The following PTGES3 variants were observed in gnomAD, a reference collection of about 807,000 sequenced individuals.
The protein encoded by PTGES3 is prostaglandin E synthase 3.
In PTGES3, 5 loss-of-function variants were observed where a neutral mutation model predicts 29.9. The ratio of observed to expected loss-of-function variants is 0.17; its 90% confidence interval spans 0.09 to 0.35. The LOEUF (loss-of-function observed/expected upper bound fraction) is 0.35. Ranked by LOEUF, PTGES3 falls within the 10% of genes least tolerant of loss-of-function variation. PTGES3 has a pLI of 1.00. For missense variants in PTGES3, 128 were observed against 190.0 expected (o/e 0.67, Z 1.92); for synonymous variants, 49 against 57.8 (o/e 0.85, Z 0.69).
intron 6 of PTGES3, chr12:56,665,871 C>G (rs1951765540): frequency 2.2e-6 from 2 of 911,710 alleles, no homozygotes; most frequent in Non-Finnish European, 2.6e-6. Flanking sequence ...CTCACGTACT[C>G]TGCCCACCTG....
At chr12:56,672,248 A>T (rs753591314) in intron 3 of PTGES3, among the ~76,000 whole-genome samples, 1 of 152,218 alleles carries the variant, frequency 6.6e-6, no homozygotes, top group Non-Finnish European at 1.5e-5. Flanking sequence ...TCATGCCTGT[A>T]ATCCCAGCAC....
chr12:56,683,366 G>T (rs1255805357), intron 1 of PTGES3, among the ~76,000 whole-genome samples: 1 of 150,706 alleles, frequency 6.6e-6, no homozygotes, highest in Non-Finnish European at 1.5e-5. Context: ...GCAGCTACCC[G>T]GGAGGCTGAG....
chr12:56,674,537 A>G (rs1240783415), intron 1 of PTGES3, among the ~76,000 whole-genome samples: 2 of 151,388 alleles, frequency 1.3e-5, no homozygotes, highest in Admixed American at 1.3e-4. Context: ...TAAAATTACA[A>G]AAAATTCAGG....
chr12:56,681,573 G>A (rs756120593), intron 1 of PTGES3, among the ~76,000 whole-genome samples: 161 of 148,104 alleles, frequency 1.1e-3, no homozygotes, highest in Non-Finnish European at 1.9e-3. Context: ...AATCAGCCGG[G>A]TGCAGTGGCT....
Position 56,688,086 on chromosome 12 carries a change from C to A in PTGES3, c.-87G>T. The A allele has an allele frequency of 6.9e-7, 1 of 1,440,770 alleles. No individual in the cohort carries two copies. Among genetic ancestry groups the A allele is most frequent in the Non-Finnish European group, 9.1e-7 (1 of 1,096,484 alleles). 89.2% of individuals were successfully genotyped at this position (1,440,770 alleles called of 1,614,324 possible). On this transcript the variant is annotated 5_prime_UTR_variant, in exon 1 of 8. Coordinates refer to ENST00000262033, the MANE Select transcript of PTGES3 (RefSeq NM_006601.7). ...TAGGGAGTCGACTTCTCTCCGGTGG[C>A]GACTCCGCTTTTTCTCTCCGGTCGC... is the stretch of plus-strand genomic sequence containing the variant.
In PTGES3 at chr12:56,663,484, C is replaced by T. The variant is rs1951680145; in HGVS notation, c.*995G>A. 6.6e-6 allele frequency: 1 copy of T among 152,324 alleles called. No individual in the cohort carries two copies. Among genetic ancestry groups the T allele is most frequent in the South Asian group, 2.1e-4 (1 of 4,832 alleles). 9.4% of individuals were successfully genotyped at this position (152,324 alleles called of 1,614,324 possible). A position where few individuals can be genotyped will look rare whatever the true frequency, so the allele number is the denominator to read the frequency against. On this transcript the variant is annotated 3_prime_UTR_variant, in exon 8 of 8. Coordinates refer to ENST00000262033, the MANE Select transcript of PTGES3 (RefSeq NM_006601.7). ...GGTTTCCTGTGACATTACAGCAAGC[C>T]TCTTTTTTCAAACAGAGGAATAATC...
intron 5 of PTGES3, among the ~76,000 whole-genome samples, chr12:56,669,389 T>G (rs1340956756): frequency 6.6e-6 from 1 of 152,122 alleles, no homozygotes; most frequent in African/African-American, 2.4e-5. Flanking sequence ...GTTCACGCGA[T>G]TCTCCTGCCT....
intron 1 of PTGES3, among the ~76,000 whole-genome samples, chr12:56,683,636 C>G (rs1279636822): frequency 1.5e-5 from 2 of 132,516 alleles, no homozygotes; most frequent in African/African-American, 2.9e-5. Flanking sequence ...GGCGACAGAG[C>G]CAGACTCCAT....
intron 1 of PTGES3, 80 bp downstream of exon 1, chr12:56,687,918 T>C: frequency 5.6e-6 from 9 of 1,602,526 alleles, no homozygotes; most frequent in Non-Finnish European, 7.6e-6. Flanking sequence ...CGAGAAAGGC[T>C]AGGGGGCCGC....
At chr12:56,685,169 T>C (rs1345248052) in intron 1 of PTGES3, among the ~76,000 whole-genome samples, 1 of 152,208 alleles carries the variant, frequency 6.6e-6, no homozygotes, top group Admixed American at 6.6e-5. Flanking sequence ...TTCTTAAGAC[T>C]GGATGACGAC....
intron 4 of PTGES3, chr12:56,670,726 C>G (rs114016874): frequency 1.0e-5 from 2 of 191,200 alleles, no homozygotes; most frequent in African/African-American, 4.6e-5. Flanking sequence ...CTACAACAGG[C>G]ACATGCTACT....
At chr12:56,678,239 G>A (rs984735946) in intron 1 of PTGES3, among the ~76,000 whole-genome samples, 3 of 152,084 alleles carry the variant, frequency 2.0e-5, no homozygotes, top group African/African-American at 4.8e-5. Flanking sequence ...GTGCAGTGGC[G>A]TGATCTCGGC....
chr12:56,683,497 A>T (rs1952659084), intron 1 of PTGES3, among the ~76,000 whole-genome samples: 1 of 147,258 alleles, frequency 6.8e-6, no homozygotes, highest in Non-Finnish European at 1.5e-5. Flanking sequence ...AAAAAAAAAA[A>T]AAAATTAGCC....
chr12:56,666,773 C>T (rs535812961), intron 5 of PTGES3, among the ~76,000 whole-genome samples: 1 of 151,858 alleles, frequency 6.6e-6, no homozygotes, highest in African/African-American at 2.4e-5. Context: ...ATTACAGGCG[C>T]GTACCACCAC....
chr12:56,672,488 A>C (rs1952043974), intron 3 of PTGES3, among the ~76,000 whole-genome samples: 1 of 152,160 alleles, frequency 6.6e-6, no homozygotes, highest in Non-Finnish European at 1.5e-5. Context: ...ACAAAACCAA[A>C]CAAACAAAAA....
intron 1 of PTGES3, 146 bp downstream of exon 1, chr12:56,687,852 G>T: frequency 6.6e-7 from 1 of 1,505,004 alleles, no homozygotes; most frequent in Non-Finnish European, 8.8e-7. Context: ...AACGGTAACC[G>T]GAACAAGGAT....
At position 56,670,215 on chromosome 12, in the gene PTGES3, G is replaced by A. The variant is rs533542854; in HGVS notation, c.375+60C>T. On this transcript the variant is annotated intron_variant, in intron 5 of 7. Transcript: ENST00000262033. ...TAGGTGCCCAAAACCATATTAAATT[G>A]ACTACATAGACAGGTACCGTGTGCT... 7 of 1,138,454 alleles carry A rather than the reference G, an allele frequency of 6.1e-6. No individual in the cohort carries two copies. The South Asian group carries it at 7.5e-5, about 12-fold the overall frequency. The allele number at this position is 1,138,454 out of a possible 1,614,324, so 70.5% of individuals were successfully genotyped here. A position where few individuals can be genotyped will look rare whatever the true frequency, so the allele number is the denominator to read the frequency against.
At chr12:56,672,130 C>T (rs1266767677) in intron 3 of PTGES3, among the ~76,000 whole-genome samples, 3 of 151,980 alleles carry the variant, frequency 2.0e-5, no homozygotes, top group Admixed American at 6.6e-5. Flanking sequence ...TTCCTGCACA[C>T]GATAAACAGA....
chr12:56,683,918 C>T lies in PTGES3; in HGVS notation c.2+4080G>A, dbSNP rs546663092. Among the ~76,000 whole-genome samples, 22 of 149,682 alleles carry T rather than the reference C, an allele frequency of 1.5e-4. 1 individual carries two copies. The South Asian group carries it at 3.8e-3, about 26-fold the overall frequency. On this transcript the variant is annotated intron_variant, in intron 1 of 7. Transcript: ENST00000262033. ...GAGCCTGCAGTGAGCCGAGATCGCG[C>T]CACTGCACTCCAGCCTGGGCGACAG...
Sources: gnomAD v4.1 joint callset for allele counts (sites outside exome capture counted in the v4.1 genomes callset) on GRCh38, gnomAD v4.1.1 for gene constraint, MANE v1.5 for transcripts, NCBI Gene and HGNC (gene_info 2026-07-23, HGNC 2026-07-21) for gene names.